Variants in BRD8 observed in about 807,000 individuals in gnomAD.
BRD8 encodes the protein bromodomain containing 8.
A neutral mutation model predicts 143.1 loss-of-function variants in BRD8; 67 were observed. The observed-to-expected ratio is 0.47, with a 90% CI of 0.38 to 0.57. The LOEUF is 0.57. BRD8 is among the 20% of genes least tolerant of loss of function. BRD8 has a pLI of 0.00. For synonymous variants in BRD8, 505 were observed against 517.1 expected, an observed-to-expected ratio of 0.98 and a Z score of 0.32; for missense variants, 1,103 against 1,503.0, an observed-to-expected ratio of 0.73 and a Z score of 4.40.
In BRD8 at chr5:138,164,851, T is replaced by C. The variant is rs1269117693; in HGVS notation, c.1594A>G (p.Thr532Ala). The stretch of plus-strand genomic sequence containing the variant: ...CTGAGTTCTGGTGGCTCCATACTTG[T>C]GGCTGGAACAACTCCAGCTACTATT... ...AEIVAGVVPA[T>A]SMEPPELRSQ... The change falls in exon 12 of 27, where the codon ACA (threonine) becomes GCA (alanine). Residue 532 changes from threonine to alanine, a missense_variant. Transcript: ENST00000254900. 2 of 1,614,272 alleles carry C rather than the reference T, an allele frequency of 1.2e-6. No individual in the cohort carries two copies. The highest frequency in any genetic ancestry group is 1.1e-5 in the South Asian group (1 of 91,092).
Position 138,139,913 on chromosome 5 carries a change from A to G in BRD8, c.*161T>C, listed in dbSNP as rs538020930. On this transcript the variant is annotated 3_prime_UTR_variant, in exon 27 of 27. Transcript: ENST00000254900. ...CTCAGCTTCCCCTTTTTTTCTTTATATTATGTCCACATGCATCTTTGACTC... is the reference window on the plus strand; with the variant it reads ...CTCAGCTTCCCCTTTTTTTCTTTATGTTATGTCCACATGCATCTTTGACTC... The G allele has an allele frequency of 2.4e-4, 142 of 581,390 alleles. No homozygotes were observed. The South Asian group carries it at 3.2e-3, about 13-fold the overall frequency. The allele number at this position is 581,390 out of a possible 1,614,324, so 36.0% of individuals were successfully genotyped here.
intron 2 of BRD8, among the ~76,000 whole-genome samples, chr5:138,173,750 G>T (rs1005591819): frequency 1.3e-5 from 2 of 152,082 alleles, no homozygotes; most frequent in South Asian, 2.1e-4. Flanking sequence ...TTTTTGTAGG[G>T]AACAGTTTCT....
chr5:138,155,444 C>T (rs942813180), intron 20 of BRD8, among the ~76,000 whole-genome samples: 5 of 145,166 alleles, frequency 3.4e-5, no homozygotes, highest in African/African-American at 1.0e-4. Context: ...AGTGAAACTC[C>T]GAATTTAAAA....
chr5:138,169,469 G>A (rs1753701564), intron 7 of BRD8, 111 bp from the exon 8 acceptor site: 1 of 1,251,674 alleles, frequency 8.0e-7, no homozygotes, highest in Non-Finnish European at 1.1e-6. Flanking sequence ...CATTACTAAA[G>A]CAGCATAATA....
chr5:138,175,313 T>C (rs1754232952), intron 2 of BRD8, among the ~76,000 whole-genome samples: 1 of 152,124 alleles, frequency 6.6e-6, no homozygotes. Flanking sequence ...CTAGGAAGCA[T>C]GACAATCAGC....
chr5:138,146,691 C>T (rs1192181131), intron 23 of BRD8, among the ~76,000 whole-genome samples: 2 of 151,882 alleles, frequency 1.3e-5, no homozygotes, highest in Non-Finnish European at 1.5e-5. Flanking sequence ...AGATTGGGCC[C>T]GGTGTGGTGG....
intron 20 of BRD8, chr5:138,157,370 A>G (rs1752672371): frequency 2.4e-5 from 35 of 1,459,714 alleles, no homozygotes; most frequent in Admixed American, 5.4e-5. Context: ...GAGAGGGAAG[A>G]GAATCAGCAG....
chr5:138,148,360 C>A (rs1315217142), intron 23 of BRD8, among the ~76,000 whole-genome samples: 1 of 151,834 alleles, frequency 6.6e-6, no homozygotes, highest in Non-Finnish European at 1.5e-5. Context: ...TAATTTTTTT[C>A]TTCTCTTTTA....
Position 138,152,756 on chromosome 5 carries a change from C to T in BRD8, c.2582G>A (p.Gly861Glu), listed in dbSNP as rs2151186815. The T allele has an allele frequency of 6.2e-7, 1 of 1,612,684 alleles. No homozygotes were observed. The highest frequency in any genetic ancestry group is 8.5e-7 in the Non-Finnish European group (1 of 1,178,830). ...SPAFLLSLFM[G>E]HEWVWLDSEQ... ...AGAATCCAGCCAAACCCACTCGTGT[C>T]CCATCTGTAAATACACAGGAAAACA... is the stretch of plus-strand genomic sequence containing the variant. Residue 861 changes from glycine (G) to glutamate (E), a missense_variant, in exon 21 of 27, where the codon GGA becomes GAA. Physicochemically the swap from Gly to Glu is moderately conservative, Grantham distance 98 (BLOSUM62 -2). Transcript: ENST00000254900.
chr5:138,166,031 C>T lies in BRD8; in HGVS notation c.1075G>A (p.Glu359Lys), dbSNP rs772786076. 6.2e-7 allele frequency: 1 copy of T among 1,614,098 alleles called. No individual in the cohort carries two copies. The highest frequency in any genetic ancestry group is 1.1e-5 in the South Asian group (1 of 91,080). Reference protein sequence around the residue: ...HTVTVSMDSSEISMIINSIKE... With the variant: ...HTVTVSMDSSKISMIINSIKE... ...ATAGAATTGATGATCATGGATATTT[C>T]ACTGCTGTCCATGGAAACAGTCACA... Residue 359 changes from glutamate (E) to lysine (K), a missense_variant, in exon 11 of 27, where the codon GAA (glutamate) becomes AAA (lysine). Coordinates refer to ENST00000254900, the MANE Select transcript of BRD8 (RefSeq NM_139199.2).
intron 1 of BRD8, 77 bp downstream of exon 1, chr5:138,178,519 T>C (rs1037049114): frequency 3.0e-6 from 4 of 1,351,106 alleles, no homozygotes; most frequent in Non-Finnish European, 3.2e-6. Flanking sequence ...TCCCACTCCC[T>C]AAGCGTGTAA....
chr5:138,156,909 T>C (rs932367724), intron 20 of BRD8: 1 of 1,180,300 alleles, frequency 8.5e-7, no homozygotes, highest in African/African-American at 1.6e-5. Flanking sequence ...GTTTATTGTA[T>C]ACACACACAT....
At chr5:138,148,063 G>T (rs1436777669) in intron 23 of BRD8, among the ~76,000 whole-genome samples, 2 of 151,208 alleles carry the variant, frequency 1.3e-5, no homozygotes, top group Non-Finnish European at 2.9e-5. Context: ...TAAACCAGGG[G>T]TGTCCAATCT....
chr5:138,172,260 C>G, intron 2 of BRD8, 126 bp from the exon 3 acceptor site: 1 of 685,274 alleles, frequency 1.5e-6, no homozygotes, highest in Non-Finnish European at 2.5e-6. Context: ...CGCGGTGGCT[C>G]ACGCCTGTAA....
chr5:138,177,436 C>A, intron 2 of BRD8, 135 bp downstream of exon 2: 1 of 564,146 alleles, frequency 1.8e-6, no homozygotes, highest in Non-Finnish European at 3.2e-6. Flanking sequence ...GAAGGAGACT[C>A]AGTCTCAAAA....
At chr5:138,174,046 G>A (rs1754107011) in intron 2 of BRD8, among the ~76,000 whole-genome samples, 1 of 152,002 alleles carries the variant, frequency 6.6e-6, no homozygotes, top group Non-Finnish European at 1.5e-5. Context: ...AGATCATATG[G>A]TATTTCTTTA....
At chr5:138,177,408 A>G in intron 2 of BRD8, 163 bp downstream of exon 2, 1 of 508,250 alleles carries the variant, frequency 2.0e-6, no homozygotes, top group South Asian at 2.4e-5. Flanking sequence ...GCACCACTGC[A>G]CTCCAGCCTG....
At chr5:138,170,299 G>A (rs1753760336) in intron 7 of BRD8, 46 bp downstream of exon 7, 1 of 1,254,172 alleles carries the variant, frequency 8.0e-7, no homozygotes, top group Non-Finnish European at 1.2e-6. Context: ...TTAGCATGCA[G>A]TACTGTGCAA....
intron 2 of BRD8, 23 bp downstream of exon 2, chr5:138,177,548 A>G (rs375838778): frequency 1.2e-5 from 18 of 1,471,330 alleles, no homozygotes; most frequent in Non-Finnish European, 1.6e-5. Context: ...GACCCAGAAA[A>G]GCTGACATCC....
Sources: gnomAD v4.1 joint callset for allele counts (sites outside exome capture counted in the v4.1 genomes callset) on GRCh38, gnomAD v4.1.1 for gene constraint, MANE v1.5 for transcripts, NCBI Gene and HGNC (gene_info 2026-07-23, HGNC 2026-07-21) for gene names.